Variants in ST3GAL3 observed in about 807,000 individuals in gnomAD.
ST3GAL3 encodes CMP-N-acetylneuraminate-beta-1,4-galactoside alpha-2,3-sialyltransferase.
Under a neutral mutation model 50.1 loss-of-function variants are expected in ST3GAL3, and 21 were observed. The ratio of observed to expected loss-of-function variants is 0.42; its 90% CI spans 0.30 to 0.60. The LOEUF (loss-of-function observed/expected upper bound fraction) is 0.60. ST3GAL3 is among the 20% of genes least tolerant of loss of function. The pLI is 0.19. For missense variants in ST3GAL3, 353 were observed against 489.4 expected (o/e 0.72, Z 2.63); for synonymous variants, 183 against 190.0 (o/e 0.96, Z 0.30).
chr1:43,930,329 A>AG lies in ST3GAL3; in HGVS notation c.*112dup. 9.5e-7 allele frequency: 1 copy of AG among 1,050,722 alleles called. No homozygotes were observed. The highest frequency in any genetic ancestry group is 2.4e-5 in the East Asian group (1 of 42,116). 65.1% of individuals were successfully genotyped at this position (1,050,722 alleles called of 1,614,324 possible). ...AGAGAAGGACGGTGCCAAGGGCCCC[A>AG]GGGGCAGCAAGGCCTTGGTGGAGCA... On this transcript the variant is annotated 3_prime_UTR_variant, in exon 12 of 12. Transcript: ENST00000347631.
At chr1:43,920,683 A>T (rs1478318125) in intron 10 of ST3GAL3, 99 bp from the exon 11 acceptor site, 1 of 1,610,198 alleles carries the variant, frequency 6.2e-7, no homozygotes, top group East Asian at 2.2e-5. Context: ...GTCCTTGGGC[A>T]TGGAGGCTAG....
At chr1:43,769,289 A>G (rs1694211768) in intron 2 of ST3GAL3, among the ~76,000 whole-genome samples, 1 of 152,246 alleles carries the variant, frequency 6.6e-6, no homozygotes, top group African/African-American at 2.4e-5. Context: ...CGTAAAACTC[A>G]AGCAAATATT....
At chr1:43,887,865 A>G (rs1022456419) in intron 5 of ST3GAL3, among the ~76,000 whole-genome samples, 22 of 149,844 alleles carry the variant, frequency 1.5e-4, no homozygotes, top group African/African-American at 5.1e-4. Flanking sequence ...GTTCTAGGGT[A>G]ACAAGAATGT....
At chr1:43,927,893 A>C (rs1290903258) in intron 11 of ST3GAL3, among the ~76,000 whole-genome samples, 2 of 152,086 alleles carry the variant, frequency 1.3e-5, no homozygotes, top group Non-Finnish European at 2.9e-5. Context: ...TGGAGTGTGG[A>C]ATGTGAGGGA....
chr1:43,850,563 G>A (rs1367456480), intron 5 of ST3GAL3: 1 of 721,038 alleles, frequency 1.4e-6, no homozygotes, highest in Non-Finnish European at 2.6e-6. Flanking sequence ...GGGCCGTAGA[G>A]TGTTTCTATC....
chr1:43,817,659 CCTTCTT>C (rs796501134), intron 4 of ST3GAL3, among the ~76,000 whole-genome samples: 1 of 98,644 alleles, frequency 1.0e-5, no homozygotes, highest in Non-Finnish European at 2.1e-5. Context: ...TCCTCCTTCT[CCTTCTT>C]CTCCTTCTTC....
intron 2 of ST3GAL3, among the ~76,000 whole-genome samples, chr1:43,779,002 G>A (rs185706777): frequency 7.1e-4 from 106 of 149,106 alleles, no homozygotes; most frequent in Non-Finnish European, 1.4e-3. Flanking sequence ...GAGTGCAATG[G>A]CGTGATCTCG....
At chr1:43,892,425 G>A (rs2076812827) in intron 5 of ST3GAL3, among the ~76,000 whole-genome samples, 1 of 152,198 alleles carries the variant, frequency 6.6e-6, no homozygotes, top group African/African-American at 2.4e-5. Context: ...GAGAAAGGCA[G>A]TCTACAAAGC....
At chr1:43,870,871 G>C (rs1038483459) in intron 5 of ST3GAL3, among the ~76,000 whole-genome samples, 1 of 152,160 alleles carries the variant, frequency 6.6e-6, no homozygotes, top group African/African-American at 2.4e-5. Flanking sequence ...CAAAACTGTT[G>C]AGCATGGAGA....
At chr1:43,886,574 G>A (rs1446299659) in intron 5 of ST3GAL3, among the ~76,000 whole-genome samples, 2 of 152,122 alleles carry the variant, frequency 1.3e-5, no homozygotes, top group Admixed American at 6.6e-5. Flanking sequence ...AAAGTGGTTG[G>A]GAAATAGAGC....
chr1:43,740,608 C>A (rs945874322), intron 2 of ST3GAL3, among the ~76,000 whole-genome samples: 3 of 151,928 alleles, frequency 2.0e-5, no homozygotes, highest in Admixed American at 2.0e-4. Context: ...AGTTTGAGAC[C>A]AGCCTGGGTA....
intron 2 of ST3GAL3, among the ~76,000 whole-genome samples, chr1:43,766,049 A>G (rs1047190768): frequency 2.4e-4 from 37 of 152,196 alleles, no homozygotes; most frequent in African/African-American, 8.9e-4. Flanking sequence ...TCATGTTCCT[A>G]TTTCTCCTCT....
chr1:43,848,997 T>C (rs1326467823), intron 5 of ST3GAL3, among the ~76,000 whole-genome samples: 1 of 152,170 alleles, frequency 6.6e-6, no homozygotes, highest in Non-Finnish European at 1.5e-5. Context: ...ATTTAGGTCT[T>C]CTTATATCTT....
intron 5 of ST3GAL3, chr1:43,850,566 T>G: frequency 1.4e-6 from 1 of 724,712 alleles, no homozygotes; most frequent in Non-Finnish European, 2.6e-6. Flanking sequence ...CCGTAGAGTG[T>G]TTCTATCATC....
At chr1:43,748,284 C>T (rs896637915) in intron 2 of ST3GAL3, among the ~76,000 whole-genome samples, 3 of 151,902 alleles carry the variant, frequency 2.0e-5, no homozygotes, top group Non-Finnish European at 4.4e-5. Context: ...TAAACATATG[C>T]AAGACCTCTA....
chr1:43,862,428 G>A (rs1333761730), intron 5 of ST3GAL3, among the ~76,000 whole-genome samples: 2 of 152,074 alleles, frequency 1.3e-5, no homozygotes, highest in African/African-American at 2.4e-5. Context: ...ACTAAACTGG[G>A]GACAGCTCCC....
At chr1:43,808,279 A>G in intron 3 of ST3GAL3, among the ~76,000 whole-genome samples, 1 of 147,192 alleles carries the variant, frequency 6.8e-6, no homozygotes, top group Non-Finnish European at 1.5e-5. Context: ...ACTCCAGCCC[A>G]GGCGACAGTG....
chr1:43,766,426 A>G (rs1055416030), intron 2 of ST3GAL3, among the ~76,000 whole-genome samples: 1 of 152,326 alleles, frequency 6.6e-6, no homozygotes, highest in Admixed American at 6.5e-5. Flanking sequence ...AAATAAGTAA[A>G]TAAATAAGAA....
At chr1:43,786,102 G>A (rs186052497) in intron 2 of ST3GAL3, among the ~76,000 whole-genome samples, 39 of 152,118 alleles carry the variant, frequency 2.6e-4, no homozygotes, top group Admixed American at 2.0e-3. Flanking sequence ...CCAGAGGGTT[G>A]CATGAGTCTC....
Sources: allele counts gnomAD v4.1 joint callset (sites outside exome capture counted in the v4.1 genomes callset), GRCh38; gene constraint gnomAD v4.1.1; transcripts MANE v1.5; gene names NCBI Gene and HGNC (gene_info 2026-07-23, HGNC 2026-07-21).